The following USP9Y variants were observed in gnomAD, a reference collection of about 807,000 sequenced individuals.
USP9Y encodes the protein ubiquitin carboxyl-terminal hydrolase 9Y.
In USP9Y, 41 loss-of-function variants were observed where a neutral mutation model predicts 53.1. That is an observed-to-expected ratio of 0.77 (90% confidence interval 0.60 to 1.00). USP9Y has a LOEUF of 1.00. USP9Y is among the 50% of genes least tolerant of loss of function. The probability of loss-of-function intolerance (pLI) is 0.00; values close to 1 mark genes in which losing one functional copy is unlikely to be tolerated. For synonymous variants in USP9Y, 220 were observed against 173.7 expected (o/e 1.27, Z -2.09); for missense variants, 567 against 535.8 (o/e 1.06, Z -0.58).
At chrY:12,745,211 C>T in intron 12 of USP9Y, among the ~76,000 whole-genome samples, 3 of 33,832 alleles carry the variant, frequency 8.9e-5, no homozygotes, top group African/African-American at 3.5e-4. Context: ...GAGTTGTTTG[C>T]AAAATAGACT....
intron 12 of USP9Y, among the ~76,000 whole-genome samples, chrY:12,754,714 G>C: frequency 3.0e-5 from 1 of 33,306 alleles, no homozygotes; most frequent in Non-Finnish European, 7.4e-5. Context: ...TTTTGTCACT[G>C]AAGAGGTGGT....
intron 36 of USP9Y, 87 bp from the exon 37 acceptor site, chrY:12,840,923 G>C: frequency 7.1e-6 from 2 of 283,652 alleles, no homozygotes; most frequent in Non-Finnish European, 1.1e-5. Flanking sequence ...GAAGGGGTAA[G>C]ATAATCACTA....
At position 12,855,352 on chromosome Y, in the gene USP9Y, C is replaced by T. The variant is rs771658698; in HGVS notation, c.7065-988C>T. ...TCAGCCTCCCAAGTAGCTGGGATTACGCACATGCACCACCATGCCTGGCTA... is the reference window on the plus strand; with the variant it reads ...TCAGCCTCCCAAGTAGCTGGGATTATGCACATGCACCACCATGCCTGGCTA... On this transcript the variant is annotated intron_variant, in intron 42 of 45. Coordinates refer to ENST00000338981, the MANE Select transcript of USP9Y (RefSeq NM_004654.4). Among the ~76,000 whole-genome samples the T allele has an allele frequency of 1.8e-4, 6 of 32,883 alleles. No individual in the cohort carries two copies. The East Asian group carries it at 4.8e-3, about 26-fold the overall frequency. 88.2% of individuals were successfully genotyped at this position (32,883 alleles called of 37,273 possible).
chrY:12,855,025 T>C (rs2148293438), intron 42 of USP9Y, among the ~76,000 whole-genome samples: 1 of 33,336 alleles, frequency 3.0e-5, no homozygotes, highest in Non-Finnish European at 7.4e-5. Flanking sequence ...GCAGGAAGCA[T>C]ATCCATGTTA....
chrY:12,714,851 T>C, intron 3 of USP9Y, among the ~76,000 whole-genome samples: 1 of 32,773 alleles, frequency 3.1e-5, no homozygotes, highest in African/African-American at 1.2e-4. Context: ...GTATGCATTG[T>C]AATTTTTTCT....
chrY:12,859,483 G>T lies in USP9Y; in HGVS notation c.*67G>T. On this transcript the variant is annotated 3_prime_UTR_variant, in exon 46 of 46. Transcript: ENST00000338981. ...GTCTTATAGTCCAAACTTTCTCTGT[G>T]TCTGGCTAGTATTGAAAACTAGATA... 2.8e-6 allele frequency: 1 copy of T among 362,989 alleles called. No individual in the cohort carries two copies. Among genetic ancestry groups the T allele is most frequent in the Non-Finnish European group, 4.0e-6 (1 of 252,525 alleles). 90.5% of individuals were successfully genotyped at this position (362,989 alleles called of 400,897 possible).
In USP9Y at chrY:12,778,027, G is replaced by A. The variant is rs776794803; in HGVS notation, c.2648G>A (p.Arg883His). Reference sequence around the variant, plus strand: ...ACTTATTTATTTTTCAGAGCATTTCGTGGCAAACACCTCTCTCTTATAGTT... The same window carrying A: ...ACTTATTTATTTTTCAGAGCATTTCATGGCAAACACCTCTCTCTTATAGTT... The part of the protein sequence containing the change: ...RMILPMSRAF[R>H]GKHLSLIVRF... Residue 883 changes from arginine (R) to histidine (H), a missense_variant, in exon 20 of 46, where the codon CGT becomes CAT. Transcript: ENST00000338981. 1.5e-5 allele frequency: 6 copies of A among 388,584 alleles called. No individual in the cohort carries two copies. The highest frequency in any genetic ancestry group is 9.5e-5 in the East Asian group (1 of 10,537).
intron 42 of USP9Y, among the ~76,000 whole-genome samples, chrY:12,851,398 A>G: frequency 3.7e-5 from 1 of 26,806 alleles, no homozygotes; most frequent in East Asian, 9.5e-4. Flanking sequence ...TTTATTTTGA[A>G]CCTGTGTGTG....
chrY:12,720,482 T>C, intron 3 of USP9Y, 107 bp from the exon 4 acceptor site: 1 of 209,712 alleles, frequency 4.8e-6, no homozygotes, highest in Non-Finnish European at 7.9e-6. Flanking sequence ...AGATAAACAT[T>C]GTGACCCTAG....
Position 12,726,637 on chromosome Y carries a change from T to C in USP9Y, c.501T>C (p.Asp167=). 2.5e-6 allele frequency: 1 copy of C among 398,506 alleles called. No individual in the cohort carries two copies. Among genetic ancestry groups the C allele is most frequent in the Non-Finnish European group, 3.5e-6 (1 of 283,337 alleles). Residue 167 remains aspartate, a synonymous_variant, in exon 7 of 46, where the codon GAT becomes GAC. Coordinates refer to ENST00000338981, the MANE Select transcript of USP9Y (RefSeq NM_004654.4). ...VELCVAKLSQ[D]WFPLLELLAM... ...TTTGTGTGGCCAAGTTGTCCCAAGATTGGTTTCCACTTCTAGAACTTCTCG... is the reference window on the plus strand; with the variant it reads ...TTTGTGTGGCCAAGTTGTCCCAAGACTGGTTTCCACTTCTAGAACTTCTCG...
chrY:12,772,449 T>TA (rs2053486570), intron 16 of USP9Y, among the ~76,000 whole-genome samples: 3 of 31,946 alleles, frequency 9.4e-5, no homozygotes, highest in Non-Finnish European at 2.3e-4. Context: ...TCAGCACTCT[T>TA]ACAGAGATAT....
chrY:12,845,359 C>T, intron 39 of USP9Y, among the ~76,000 whole-genome samples: 4 of 32,908 alleles, frequency 1.2e-4, no homozygotes, highest in African/African-American at 2.4e-4. Context: ...TTTGAGAAAG[C>T]GGAGCAGGAA....
At chrY:12,843,007 A>C in intron 38 of USP9Y, 57 bp from the exon 39 acceptor site, 1 of 382,230 alleles carries the variant, frequency 2.6e-6, no homozygotes, top group Non-Finnish European at 3.7e-6. Context: ...TTTTGTATGC[A>C]AATAAAAGCT....
At chrY:12,838,253 G>A (rs2053557318) in intron 35 of USP9Y, among the ~76,000 whole-genome samples, 1 of 33,285 alleles carries the variant, frequency 3.0e-5, no homozygotes, top group Non-Finnish European at 7.4e-5. Context: ...AGGAAAAACA[G>A]AACATTTTTA....
At chrY:12,746,491 T>A (rs1052250359) in intron 12 of USP9Y, among the ~76,000 whole-genome samples, 39 of 33,568 alleles carry the variant, frequency 1.2e-3, no homozygotes, top group South Asian at 2.6e-3. Flanking sequence ...ATACCCTTTT[T>A]AATTTAGTTA....
At chrY:12,796,919 C>T (rs2053513416) in intron 27 of USP9Y, among the ~76,000 whole-genome samples, 2 of 33,178 alleles carry the variant, frequency 6.0e-5, no homozygotes, top group South Asian at 1.4e-3. Context: ...ACCTCTGTCT[C>T]GTCCTTTGAC....
At chrY:12,843,872 A>G (rs2053564514) in intron 39 of USP9Y, among the ~76,000 whole-genome samples, 1 of 33,083 alleles carries the variant, frequency 3.0e-5, no homozygotes, top group South Asian at 6.6e-4. Flanking sequence ...CTTACTCCCC[A>G]GCTAGGTAGC....
chrY:12,796,776 G>A, intron 27 of USP9Y, among the ~76,000 whole-genome samples: 1 of 33,619 alleles, frequency 3.0e-5, no homozygotes, highest in East Asian at 7.9e-4. Flanking sequence ...CTGTCATGGC[G>A]CTGGTGAGAC....
Position 12,856,847 on chromosome Y carries a change from T to C in USP9Y, c.7434+2T>C. 1 of 326,549 alleles carries C rather than the reference T, an allele frequency of 3.1e-6. No individual in the cohort carries two copies. Among genetic ancestry groups the C allele is most frequent in the Non-Finnish European group, 4.3e-6 (1 of 234,376 alleles). 81.5% of individuals were successfully genotyped at this position (326,549 alleles called of 400,897 possible). The stretch of plus-strand genomic sequence containing the variant: ...GCTTGTGAACTCTGTCCAGAAGAGG[T>C]AAAAAAAAAAAAGGCTACCAATGGA... On this transcript the variant is annotated splice_donor_variant, in intron 44 of 45. Coordinates refer to ENST00000338981, the MANE Select transcript of USP9Y (RefSeq NM_004654.4). LOFTEE classifies it high-confidence loss of function.
Sources: gnomAD v4.1 joint callset for allele counts (sites outside exome capture counted in the v4.1 genomes callset) on GRCh38, gnomAD v4.1.1 for gene constraint, MANE v1.5 for transcripts, NCBI Gene and HGNC (gene_info 2026-07-23, HGNC 2026-07-21) for gene names.